The following FOXP1 variants were observed in gnomAD, a reference collection of about 807,000 sequenced individuals.
The protein encoded by FOXP1 is forkhead box protein P1.
In FOXP1, 15 loss-of-function variants were observed where a neutral mutation model predicts 98.2. The ratio of observed to expected loss-of-function variants is 0.15; its 90% CI spans 0.10 to 0.24. FOXP1 has a LOEUF of 0.24. FOXP1 is among the 10% of genes least tolerant of loss of function. The pLI is 1.00. For synonymous variants in FOXP1, 371 were observed against 314.5 expected (o/e 1.18, Z -1.90); for missense variants, 633 against 848.5 (o/e 0.75, Z 3.15).
intron 5 of FOXP1, among the ~76,000 whole-genome samples, chr3:71,200,147 C>T (rs2063579403): frequency 1.3e-5 from 2 of 148,310 alleles, no homozygotes; most frequent in South Asian, 4.3e-4. Context: ...TTCACATTCA[C>T]TCTTATTACT....
In FOXP1 at chr3:70,955,832, G is replaced by GCGCACACACACACA; in HGVS notation, c.*3414_*3415insTGTGTGTGTGTGCG. 2 of 220,928 alleles carry GCGCACACACACACA rather than the reference G, an allele frequency of 9.1e-6. No homozygotes were observed. Among genetic ancestry groups the GCGCACACACACACA allele is most frequent in the East Asian group, 1.2e-4 (2 of 16,054 alleles). 13.7% of individuals were successfully genotyped at this position (220,928 alleles called of 1,614,324 possible). On this transcript the variant is annotated 3_prime_UTR_variant, in exon 21 of 21. Coordinates refer to ENST00000649528, the MANE Select transcript of FOXP1 (RefSeq NM_001349338.3). The stretch of plus-strand genomic sequence containing the variant: ...AACAGATTAACACACACGCACGCGC[G>GCGCACACACACACA]CACACACACACACACACACACACAA...
chr3:71,467,403 G>A (rs370765052), intron 3 of FOXP1, among the ~76,000 whole-genome samples: 3 of 152,216 alleles, frequency 2.0e-5, no homozygotes, highest in African/African-American at 7.2e-5. Context: ...AGGATACATG[G>A]GTAGGTGGGT....
intron 3 of FOXP1, among the ~76,000 whole-genome samples, chr3:71,484,784 C>T (rs62247167): frequency 0.29 from 43,810 of 151,960 alleles, 6,660 homozygotes; most frequent in Non-Finnish European, 0.33. Flanking sequence ...GTATTTAATG[C>T]GCTTCCCAGG....
intron 3 of FOXP1, among the ~76,000 whole-genome samples, chr3:71,365,206 G>A (rs924688497): frequency 6.6e-6 from 1 of 152,152 alleles, no homozygotes; most frequent in South Asian, 2.1e-4. Context: ...AATAGACTCT[G>A]GTCAGCACTT....
chr3:71,539,893 G>A (rs1172932619), intron 2 of FOXP1, among the ~76,000 whole-genome samples: 1 of 152,190 alleles, frequency 6.6e-6, no homozygotes, highest in African/African-American at 2.4e-5. Context: ...CAAGATTCAT[G>A]TCAGGCTTTT....
At chr3:71,233,899 A>G (rs970849927) in intron 5 of FOXP1, among the ~76,000 whole-genome samples, 7 of 152,330 alleles carry the variant, frequency 4.6e-5, no homozygotes, top group Admixed American at 3.3e-4. Flanking sequence ...AAACATCATT[A>G]CATGACAGAG....
At chr3:71,145,723 AT>A (rs2060279216) in intron 6 of FOXP1, among the ~76,000 whole-genome samples, 3 of 151,894 alleles carry the variant, frequency 2.0e-5, no homozygotes, top group African/African-American at 7.3e-5. Context: ...ATCGCATCCT[AT>A]TTTTTTCCCT....
intron 6 of FOXP1, among the ~76,000 whole-genome samples, chr3:71,137,603 T>A (rs2059882206): frequency 6.6e-6 from 1 of 151,994 alleles, no homozygotes; most frequent in African/African-American, 2.4e-5. Context: ...AGTTTGGGAG[T>A]TTTAGCTTTC....
At chr3:70,972,242 A>C in intron 18 of FOXP1, 1 of 1,365,686 alleles carries the variant, frequency 7.3e-7, no homozygotes, top group East Asian at 2.5e-5. Flanking sequence ...GGTTGGGGGC[A>C]GAACAGACAT....
chr3:71,553,691 T>C (rs765046418), intron 2 of FOXP1, among the ~76,000 whole-genome samples: 1 of 152,216 alleles, frequency 6.6e-6, no homozygotes, highest in Non-Finnish European at 1.5e-5. Flanking sequence ...AACATGTAAC[T>C]ACAATTTAGA....
chr3:71,574,899 C>CT lies in FOXP1; in HGVS notation c.-298+6649dup, dbSNP rs150286760. The stretch of plus-strand genomic sequence containing the variant: ...CTGTTTCTCTAAGTCTCCAAGGTTT[C>CT]TTTTTGTGCCCTCCTGAAAAAGGAG... On this transcript the variant is annotated intron_variant, in intron 2 of 20. Transcript: ENST00000649528. Among the ~76,000 whole-genome samples the CT allele has an allele frequency of 4.6e-5, 7 of 152,296 alleles. No homozygotes were observed. In the East Asian group the frequency reaches 1.3e-3, roughly 29 times the overall value.
chr3:71,556,432 C>G (rs1339883928), intron 2 of FOXP1, among the ~76,000 whole-genome samples: 3 of 151,932 alleles, frequency 2.0e-5, no homozygotes, highest in Admixed American at 6.6e-5. Flanking sequence ...AAAAAATTAG[C>G]CGGGCGTGGT....
At chr3:71,234,159 T>C (rs1472589021) in intron 5 of FOXP1, among the ~76,000 whole-genome samples, 1 of 148,940 alleles carries the variant, frequency 6.7e-6, no homozygotes, top group Non-Finnish European at 1.5e-5. Context: ...ATATTATAAG[T>C]AAAAAAAAAA....
intron 7 of FOXP1, among the ~76,000 whole-genome samples, chr3:71,093,467 C>A (rs1378766726): frequency 7.1e-6 from 1 of 140,874 alleles, no homozygotes; most frequent in Admixed American, 6.8e-5. Flanking sequence ...GTACTAGCCA[C>A]ATTTCAAGTT....
intron 3 of FOXP1, among the ~76,000 whole-genome samples, chr3:71,489,374 C>G (rs2090902123): frequency 6.6e-6 from 1 of 152,172 alleles, no homozygotes; most frequent in African/African-American, 2.4e-5. Context: ...TGTCTTTTCA[C>G]CAGATCTACC....
At chr3:71,131,950 C>T (rs901786969) in intron 6 of FOXP1, among the ~76,000 whole-genome samples, 2 of 152,340 alleles carry the variant, frequency 1.3e-5, no homozygotes, top group African/African-American at 4.8e-5. Flanking sequence ...AGTGCTTCCA[C>T]GCCTGCCTTC....
At position 70,956,420 on chromosome 3, in the gene FOXP1, T is replaced by TC. The variant is rs1364998232; in HGVS notation, c.*2826_*2827insG. 8.8e-6 allele frequency: 2 copies of TC among 227,154 alleles called. No homozygotes were observed. Among genetic ancestry groups the TC allele is most frequent in the Non-Finnish European group, 1.8e-5 (2 of 114,162 alleles). 14.1% of individuals were successfully genotyped at this position (227,154 alleles called of 1,614,324 possible). A position where few individuals can be genotyped will look rare whatever the true frequency, so the allele number is the denominator to read the frequency against. On this transcript the variant is annotated 3_prime_UTR_variant, in exon 21 of 21. Coordinates refer to ENST00000649528, the MANE Select transcript of FOXP1 (RefSeq NM_001349338.3). ...ATATGTAAAATCTAATTTTTCTTTT[T>TC]TTTTTTTTTTTGCTACAGTCTTTAG...
At chr3:71,081,968 A>G (rs2054467373) in intron 7 of FOXP1, among the ~76,000 whole-genome samples, 2 of 152,250 alleles carry the variant, frequency 1.3e-5, no homozygotes, top group Admixed American at 6.5e-5. Flanking sequence ...ACCATGCTGC[A>G]AAGTGCAGAC....
chr3:71,354,429 C>A (rs774404894), intron 4 of FOXP1, among the ~76,000 whole-genome samples: 2 of 152,222 alleles, frequency 1.3e-5, no homozygotes, highest in Non-Finnish European at 2.9e-5. Flanking sequence ...CCCAAACTCT[C>A]AATTTCCATG....
Sources: allele counts gnomAD v4.1 joint callset (sites outside exome capture counted in the v4.1 genomes callset), GRCh38; gene constraint gnomAD v4.1.1; transcripts MANE v1.5; gene names NCBI Gene and HGNC (gene_info 2026-07-23, HGNC 2026-07-21).